Variants in IARS1 observed in about 807,000 individuals in gnomAD.
IARS1 encodes isoleucyl-tRNA synthetase 1.
Under a neutral mutation model 168.2 loss-of-function variants are expected in IARS1, and 124 were observed. The ratio of observed to expected loss-of-function variants is 0.74; its 90% CI spans 0.64 to 0.86. IARS1 has a LOEUF of 0.86. Among genes scored for constraint, IARS1 ranks in the 40% least tolerant of loss-of-function variants. The pLI is 0.00. For synonymous variants in IARS1, 532 were observed against 529.4 expected (o/e 1.00, Z -0.07); for missense variants, 1,452 against 1,515.8 (o/e 0.96, Z 0.70).
chr9:92,228,368 C>T (rs2133463106), intron 31 of IARS1, among the ~76,000 whole-genome samples: 1 of 151,980 alleles, frequency 6.6e-6, no homozygotes, highest in African/African-American at 2.4e-5. Flanking sequence ...TTCAGGTTTG[C>T]TTTATTGAGA....
At position 92,287,891 on chromosome 9, in the gene IARS1, G is replaced by T. The variant is rs780360619; in HGVS notation, c.296C>A (p.Thr99Lys). The T allele has an allele frequency of 1.2e-5, 20 of 1,613,684 alleles. No individual in the cohort carries two copies. The African/African-American group carries it at 2.0e-4, about 16-fold the overall frequency. Residue 99 changes from threonine (T) to lysine (K), a missense_variant, in exon 4 of 34, where the codon ACA becomes AAA. Coordinates refer to ENST00000443024, the MANE Select transcript of IARS1 (RefSeq NM_002161.6). ...ATCCTCTGGTCCTCTGATTCCCAGT[G>T]TCTTATCAATTTCATATTCCTGAAA... ...GLPVEYEIDK[T>K]LGIRGPEDVA...
Position 92,274,453 on chromosome 9 carries a change from A to C in IARS1, c.963T>G (p.Val321=). 1 of 1,613,924 alleles carries C rather than the reference A, an allele frequency of 6.2e-7. No homozygotes were observed. The highest frequency in any genetic ancestry group is 1.7e-5 in the Admixed American group (1 of 60,014). Residue 321 remains valine (V), a synonymous_variant, in exon 10 of 34, where the codon GTT becomes GTG. Coordinates refer to ENST00000443024, the MANE Select transcript of IARS1 (RefSeq NM_002161.6). The stretch of plus-strand genomic sequence containing the variant: ...CACCGAAGTAAGGAGCTTGGTGGAC[A>C]ACCCCTGTGCCTTCTTCTTCCTTCA... ...NYVKEEEGTG[V]VHQAPYFGAE... is the part of the protein sequence containing the mutation.
At chr9:92,230,933 C>A (rs1332922870) in intron 30 of IARS1, among the ~76,000 whole-genome samples, 2 of 152,158 alleles carry the variant, frequency 1.3e-5, no homozygotes, top group African/African-American at 4.8e-5. Flanking sequence ...CATTTTCTAA[C>A]TGGATTTTTC....
intron 2 of IARS1, 33 bp downstream of exon 2, chr9:92,289,268 C>G: frequency 4.1e-6 from 3 of 729,908 alleles, no homozygotes; most frequent in Non-Finnish European, 7.1e-6. Context: ...AATGACTATT[C>G]TTAAGGGAAC....
chr9:92,268,355 T>C (rs778658840), intron 13 of IARS1, 55 bp from the exon 14 acceptor site: 26 of 1,567,834 alleles, frequency 1.7e-5, no homozygotes, highest in South Asian at 3.5e-5. Flanking sequence ...AAATTCAACA[T>C]GTAAATAATA....
intron 20 of IARS1, among the ~76,000 whole-genome samples, chr9:92,254,029 ATGC>A (rs1038267603): frequency 6.6e-6 from 1 of 152,234 alleles, no homozygotes; most frequent in African/African-American, 2.4e-5. Context: ...AGACCCAGAG[ATGC>A]TGCTCAGTTA....
intron 25 of IARS1, among the ~76,000 whole-genome samples, chr9:92,248,277 T>C (rs918872410): frequency 3.3e-5 from 5 of 152,190 alleles, no homozygotes; most frequent in African/African-American, 7.2e-5. Context: ...CAGTAGCGGA[T>C]GGGAAAATGA....
At position 92,240,894 on chromosome 9, in the gene IARS1, T is replaced by C; in HGVS notation, c.3245A>G (p.Tyr1082Cys). The change falls in exon 30 of 34, where the codon TAT becomes TGT. Residue 1082 changes from tyrosine to cysteine, a missense_variant. By Grantham distance (194) the Tyr-to-Cys change is radical. Coordinates refer to ENST00000443024, the MANE Select transcript of IARS1 (RefSeq NM_002161.6). ...GSSLPGPACAYVNLNICANGS... is the reference protein window; with the variant it reads ...GSSLPGPACACVNLNICANGS... ...ATTTGCACAAATGTTAAGATTGACATATGCACAAGCAGGACCAGGAAGGGA... is the reference window on the plus strand; with the variant it reads ...ATTTGCACAAATGTTAAGATTGACACATGCACAAGCAGGACCAGGAAGGGA... 1 of 1,613,450 alleles carries C rather than the reference T, an allele frequency of 6.2e-7. No homozygotes were observed. The highest frequency in any genetic ancestry group is 8.5e-7 in the Non-Finnish European group (1 of 1,179,448).
At chr9:92,228,085 G>C (rs1826049108) in intron 31 of IARS1, among the ~76,000 whole-genome samples, 2 of 152,190 alleles carry the variant, frequency 1.3e-5, no homozygotes, top group Admixed American at 1.3e-4. Flanking sequence ...TGCAATCCCG[G>C]CACCTCAGGA....
chr9:92,277,163 C>A (rs1244184678), intron 9 of IARS1, among the ~76,000 whole-genome samples: 1 of 152,098 alleles, frequency 6.6e-6, no homozygotes, highest in Non-Finnish European at 1.5e-5. Context: ...ATTCCTCATA[C>A]AATTTGAGAA....
In IARS1 at chr9:92,252,414, T is replaced by C. The variant is rs774345694; in HGVS notation, c.2230-529A>G. The C allele has an allele frequency of 4.1e-5, 21 of 514,758 alleles. No homozygotes were observed. In the East Asian group the frequency reaches 9.8e-4, roughly 24 times the overall value. The allele number at this position is 514,758 out of a possible 1,614,324, so 31.9% of individuals were successfully genotyped here. ...TCCTTCTAGATACGTGTGTGTGAGATACATCTGCACAAAAATGAAATTACA... is the reference window on the plus strand; with the variant it reads ...TCCTTCTAGATACGTGTGTGTGAGACACATCTGCACAAAAATGAAATTACA... On this transcript the variant is annotated intron_variant, in intron 21 of 33. Coordinates refer to ENST00000443024, the MANE Select transcript of IARS1 (RefSeq NM_002161.6).
rs548063499 is a variant in IARS1 at position 92,273,916 on chromosome 9, G to A, written c.990+510C>T. On this transcript the variant is annotated intron_variant, in intron 10 of 33. Transcript: ENST00000443024. ...CAGGCAACTTACCCAGGAACTGCCC[G>A]TTAGTGGCAGTGCCATGATTTAAGG... Among the ~76,000 whole-genome samples the A allele has an allele frequency of 4.6e-5, 7 of 152,354 alleles. No homozygotes were observed. In the East Asian group the frequency reaches 1.2e-3, roughly 25 times the overall value.
intron 10 of IARS1, among the ~76,000 whole-genome samples, chr9:92,273,380 C>T (rs1353175744): frequency 6.6e-6 from 1 of 151,984 alleles, no homozygotes; most frequent in Non-Finnish European, 1.5e-5. Context: ...AAATAAAAGT[C>T]CTTATCAGTC....
chr9:92,249,659 A>G (rs1052878089), intron 25 of IARS1, among the ~76,000 whole-genome samples, 199 bp downstream of exon 25: 1 of 152,224 alleles, frequency 6.6e-6, no homozygotes, highest in Non-Finnish European at 1.5e-5. Flanking sequence ...AAAGAAATTC[A>G]TTGATCTTGA....
At position 92,250,918 on chromosome 9, in the gene IARS1, G is replaced by A. The variant is rs886548477; in HGVS notation, c.2308-84C>T. 2.7e-5 allele frequency: 38 copies of A among 1,431,874 alleles called. No individual in the cohort carries two copies. The South Asian group carries it at 4.4e-4, about 17-fold the overall frequency. The allele number at this position is 1,431,874 out of a possible 1,614,324, so 88.7% of individuals were successfully genotyped here. Reference sequence around the variant, plus strand: ...TTTATACTGAGAAACAACTAAACATGTTAGAGAATGACACAGTAATAGGCA... The same window carrying A: ...TTTATACTGAGAAACAACTAAACATATTAGAGAATGACACAGTAATAGGCA... On this transcript the variant is annotated intron_variant, in intron 22 of 33. Coordinates refer to ENST00000443024, the MANE Select transcript of IARS1 (RefSeq NM_002161.6).
rs1257064072 is a variant in IARS1, at chr9:92,288,147, C to T, written c.255G>A (p.Trp85Ter). 2 of 1,613,876 alleles carry T rather than the reference C, an allele frequency of 1.2e-6. No individual in the cohort carries two copies. The highest frequency in any genetic ancestry group is 1.7e-6 in the Non-Finnish European group (2 of 1,179,928). Residue 85 changes from tryptophan to a stop codon, truncating the protein, a stop_gained, in exon 3 of 34, where the codon TGG (tryptophan) becomes TGA (stop). Transcript: ENST00000443024. LOFTEE classifies it high-confidence loss of function. ...SGFHVDRRFG[W>*]DCHGLPVEYE... ...ATACCACAGGTAAGCCATGGCAATC[C>T]CATCCAAATCTTCTGTCAACATGAA...
In IARS1 at chr9:92,268,259, A is replaced by T. The variant is rs1832560952; in HGVS notation, c.1346T>A (p.Leu449Gln). 1 of 1,612,066 alleles carries T rather than the reference A, an allele frequency of 6.2e-7. No individual in the cohort carries two copies. Among genetic ancestry groups the T allele is most frequent in the Non-Finnish European group, 8.5e-7 (1 of 1,179,514 alleles). The change falls in exon 14 of 34, where the codon CTG becomes CAG. Residue 449 changes from leucine (L) to glutamine (Q), a missense_variant. By Grantham distance (113) the Leu-to-Gln change is moderately radical. Transcript: ENST00000443024. ...AATTGTCCAGTCACGTGCATCTTTC[A>T]GCCAATTTCCAAATCGTTTTTCTCG... Reference protein sequence around the residue: ...LVREKRFGNWLKDARDWTISR... With the variant: ...LVREKRFGNWQKDARDWTISR...
At chr9:92,247,300 A>G in intron 26 of IARS1, 77 bp downstream of exon 26, 2 of 1,373,278 alleles carry the variant, frequency 1.5e-6, no homozygotes, top group East Asian at 2.3e-5. Flanking sequence ...ATGTGATATT[A>G]AAAGTCAAAC....
At position 92,242,070 on chromosome 9, in the gene IARS1, G is replaced by C. The variant is rs143386982; in HGVS notation, c.3177+84C>G. 539 of 1,027,370 alleles carry C rather than the reference G, an allele frequency of 5.2e-4. 5 individuals carry two copies. In the African/African-American group the frequency reaches 7.1e-3, roughly 14 times the overall value. 63.6% of individuals were successfully genotyped at this position (1,027,370 alleles called of 1,614,324 possible). ...GAGTGCTGTGCCGATCTCTACTGTG[G>C]GACAGAATATCAACACGTGAGTACA... On this transcript the variant is annotated intron_variant, in intron 29 of 33. Transcript: ENST00000443024.
Sources: allele counts gnomAD v4.1 joint callset (sites outside exome capture counted in the v4.1 genomes callset), GRCh38; gene constraint gnomAD v4.1.1; transcripts MANE v1.5; gene names NCBI Gene and HGNC (gene_info 2026-07-23, HGNC 2026-07-21).